The following ZFP14 variants were observed in gnomAD, a reference collection of about 807,000 sequenced individuals.
The protein encoded by ZFP14 is ZFP14 zinc finger protein.
A neutral mutation model predicts 54.5 loss-of-function variants in ZFP14; 22 were observed. That is an observed-to-expected ratio of 0.40 (90% CI 0.29 to 0.58). ZFP14 has a LOEUF of 0.58. Among genes scored for constraint, ZFP14 ranks in the 20% least tolerant of loss-of-function variants. The pLI is 0.39. For missense variants in ZFP14, 470 were observed against 637.8 expected (o/e 0.74, Z 2.83); for synonymous variants, 159 against 204.0 (o/e 0.78, Z 1.88).
rs557519982 is a variant in ZFP14, at chr19:36,344,754, C to T, written c.236-3164G>A. 2.6e-5 allele frequency among the ~76,000 whole-genome samples: 4 copies of T among 152,224 alleles called. No homozygotes were observed. The South Asian group carries it at 8.3e-4, about 32-fold the overall frequency. ...ATGCGAGGGATCTAGGTTGCACACT[C>T]CTTATGAGAATCTACTGCCTGATTA... On this transcript the variant is annotated intron_variant, in intron 4 of 4. Transcript: ENST00000270001.
intron 3 of ZFP14, among the ~76,000 whole-genome samples, chr19:36,361,214 G>A (rs993004512): frequency 1.3e-5 from 2 of 152,130 alleles, no homozygotes; most frequent in African/African-American, 4.8e-5. Context: ...AACTGCATAT[G>A]TCTGTTACAG....
intron 2 of ZFP14, among the ~76,000 whole-genome samples, chr19:36,366,236 C>A (rs908414802): frequency 2.6e-5 from 4 of 151,948 alleles, no homozygotes; most frequent in Non-Finnish European, 2.9e-5. Context: ...CCACTGCACT[C>A]CAGCCTGGGC....
rs1235369921 is a variant in ZFP14 at position 36,351,168 on chromosome 19, T to C, written c.235+9267A>G. Among the ~76,000 whole-genome samples, 3 of 143,586 alleles carry C rather than the reference T, an allele frequency of 2.1e-5. 1 individual carries two copies. The highest frequency in any genetic ancestry group is 7.7e-5 in the African/African-American group (3 of 39,186). 94.2% of individuals were successfully genotyped at this position (143,586 alleles called of 152,430 possible). A position where few individuals can be genotyped will look rare whatever the true frequency, so the allele number is the denominator to read the frequency against. ...ATTCACTACTTATTACAATAAGAAA[T>C]TAATGCCCTGTGGGGATTAAAATGT... is the stretch of plus-strand genomic sequence containing the variant. On this transcript the variant is annotated intron_variant, in intron 4 of 4. Coordinates refer to ENST00000270001, the MANE Select transcript of ZFP14 (RefSeq NM_020917.3).
At chr19:36,362,322 G>A in intron 2 of ZFP14, 84 bp from the exon 3 acceptor site, 4 of 1,428,738 alleles carry the variant, frequency 2.8e-6, no homozygotes, top group Non-Finnish European at 3.8e-6. Flanking sequence ...GGATTGCATT[G>A]CAGAGAGGGG....
At position 36,360,493 on chromosome 19, in the gene ZFP14, A is replaced by C. The variant is rs2031692806; in HGVS notation, c.177T>G (p.Asp59Glu). Residue 59 changes from aspartate to glutamate, a missense_variant, in exon 4 of 5, where the codon GAT (aspartate) becomes GAG (glutamate). Asp to Glu is a conservative substitution (Grantham distance 45). Coordinates refer to ENST00000270001, the MANE Select transcript of ZFP14 (RefSeq NM_020917.3). ...ISKPDVITLL[D>E]EERKEPGMVV... Reference sequence around the variant, plus strand: ...CCATCCCAGGTTCCTTCCTTTCTTCATCCAATAAGGTAATCACATCTGGTT... The same window carrying C: ...CCATCCCAGGTTCCTTCCTTTCTTCCTCCAATAAGGTAATCACATCTGGTT... The C allele has an allele frequency of 6.2e-7, 1 of 1,613,684 alleles. No homozygotes were observed. The highest frequency in any genetic ancestry group is 1.1e-5 in the South Asian group (1 of 90,956).
rs906297029 is a variant in ZFP14 at position 36,372,010 on chromosome 19, G to GGGAA, written c.-79-4043_-79-4040dup. On this transcript the variant is annotated intron_variant, in intron 1 of 4. Coordinates refer to ENST00000270001, the MANE Select transcript of ZFP14 (RefSeq NM_020917.3). ...ATGGAGGGAGGGAGGGAGGGAAGGA[G>GGGAA]GGAAGGAAGGAAGGAAGGAGAAAGA... 1.2e-4 allele frequency among the ~76,000 whole-genome samples: 16 copies of GGGAA among 133,756 alleles called. No homozygotes were observed. In the East Asian group the frequency reaches 1.5e-3, roughly 13 times the overall value. The allele number at this position is 133,756 out of a possible 152,430, so 87.7% of individuals were successfully genotyped here.
At chr19:36,364,994 CTTTTTTTTTTTTTTTTTT>C (rs398034482) in intron 2 of ZFP14, among the ~76,000 whole-genome samples, 1 of 61,972 alleles carries the variant, frequency 1.6e-5, no homozygotes, top group African/African-American at 5.9e-5. Context: ...TTTTCTTTTT[CTTTTTTTTTTTTTTTTTT>C]TTTTTTTTTT....
Position 36,367,983 on chromosome 19 carries a change from A to G in ZFP14, c.-79-12T>C. ...CTGATAAGCCAGAGCTGAAAGAAGA[A>G]AAAGAAACCATGAAATAAGCTGCGC... On this transcript the variant is annotated splice_polypyrimidine_tract_variant and intron_variant, in intron 1 of 4. Coordinates refer to ENST00000270001, the MANE Select transcript of ZFP14 (RefSeq NM_020917.3). 1 of 1,440,446 alleles carries G rather than the reference A, an allele frequency of 6.9e-7. No homozygotes were observed. Among genetic ancestry groups the G allele is most frequent in the Admixed American group, 2.3e-5 (1 of 43,014 alleles). The allele number at this position is 1,440,446 out of a possible 1,614,324, so 89.2% of individuals were successfully genotyped here. A position where few individuals can be genotyped will look rare whatever the true frequency, so the allele number is the denominator to read the frequency against.
chr19:36,358,182 C>A (rs765745240), intron 4 of ZFP14, among the ~76,000 whole-genome samples: 3 of 150,416 alleles, frequency 2.0e-5, no homozygotes, highest in Non-Finnish European at 4.4e-5. Flanking sequence ...GTGATCTCGG[C>A]TCACTGCAAA....
chr19:36,343,292 T>C lies in ZFP14; in HGVS notation c.236-1702A>G, dbSNP rs1385658733. 2.6e-5 allele frequency among the ~76,000 whole-genome samples: 4 copies of C among 152,344 alleles called. No homozygotes were observed. In the East Asian group the frequency reaches 7.7e-4, roughly 29 times the overall value. On this transcript the variant is annotated intron_variant, in intron 4 of 4. Coordinates refer to ENST00000270001, the MANE Select transcript of ZFP14 (RefSeq NM_020917.3). The stretch of plus-strand genomic sequence containing the variant: ...ATCTCTTTACCATTATAATAAAATA[T>C]AAATACCTGAGCATAAATAATAAAG...
intron 1 of ZFP14, among the ~76,000 whole-genome samples, chr19:36,368,853 A>ATT (rs370601085): frequency 6.6e-6 from 1 of 151,252 alleles, no homozygotes; most frequent in African/African-American, 2.4e-5. Context: ...TTATTGATTA[A>ATT]TTTTTTTTTA....
At chr19:36,357,623 C>A (rs2031637007) in intron 4 of ZFP14, among the ~76,000 whole-genome samples, 1 of 152,142 alleles carries the variant, frequency 6.6e-6, no homozygotes, top group Non-Finnish European at 1.5e-5. Flanking sequence ...AATAAATGAC[C>A]CTTTAGTGCG....
At chr19:36,351,979 C>T (rs546890140) in intron 4 of ZFP14, among the ~76,000 whole-genome samples, 11 of 142,756 alleles carry the variant, frequency 7.7e-5, no homozygotes, top group Admixed American at 2.1e-4. Flanking sequence ...GTCAGGATAT[C>T]GAGACCATCC....
intron 2 of ZFP14, among the ~76,000 whole-genome samples, chr19:36,363,999 A>C (rs527460686): frequency 1.3e-5 from 2 of 152,246 alleles, no homozygotes; most frequent in East Asian, 3.9e-4. Context: ...CAAAAAAAAA[A>C]AAAAGTCAAT....
chr19:36,349,231 C>CAAAAAAAAAA lies in ZFP14; in HGVS notation c.236-7651_236-7642dup, dbSNP rs1308523351. On this transcript the variant is annotated intron_variant, in intron 4 of 4. Coordinates refer to ENST00000270001, the MANE Select transcript of ZFP14 (RefSeq NM_020917.3). ...GGGCTATAAGAGGGGAACTCTGTCT[C>CAAAAAAAAAA]AAAAAAAAAAACAAAAAAAAAAAAA... 2.1e-3 allele frequency among the ~76,000 whole-genome samples: 9 copies of CAAAAAAAAAA among 4,258 alleles called. 1 individual carries two copies. Among genetic ancestry groups the CAAAAAAAAAA allele is most frequent in the Non-Finnish European group, 2.0e-3 (5 of 2,450 alleles). 2.8% of individuals were successfully genotyped at this position (4,258 alleles called of 152,430 possible). A position where few individuals can be genotyped will look rare whatever the true frequency, so the allele number is the denominator to read the frequency against.
chr19:36,358,641 T>C (rs8109676), intron 4 of ZFP14, among the ~76,000 whole-genome samples: 6,840 of 152,210 alleles, frequency 0.045, 215 homozygotes, highest in Non-Finnish European at 0.066. Context: ...CTTACCAGAT[T>C]GAGGAAGTTC....
rs747265207 is a variant in ZFP14 at position 36,340,939 on chromosome 19, C to T, written c.887G>A (p.Cys296Tyr). 6 of 1,613,712 alleles carry T rather than the reference C, an allele frequency of 3.7e-6. No homozygotes were observed. The highest frequency in any genetic ancestry group is 5.1e-6 in the Non-Finnish European group (6 of 1,179,886). ...CKDCGKTFRQ[C>Y]THLTRHQRLH... ...TCTCTGATGGCGTGTAAGGTGTGTA[C>T]ACTGTCTAAAGGTCTTTCCACAGTC... Residue 296 changes from cysteine (C) to tyrosine (Y), a missense_variant, in exon 5 of 5, where the codon TGT becomes TAT. By Grantham distance (194) the Cys-to-Tyr change is radical. Transcript: ENST00000270001. This position sits in a 1 kb window ranked among gnomAD's most constrained non-coding sequence, Gnocchi z 5.4.
chr19:36,359,645 ATTC>A (rs1278698077), intron 4 of ZFP14, among the ~76,000 whole-genome samples: 3 of 151,714 alleles, frequency 2.0e-5, no homozygotes, highest in Non-Finnish European at 1.5e-5. Context: ...TTCTCTTATT[ATTC>A]TTATTATTCT....
At chr19:36,355,705 A>G (rs1212641610) in intron 4 of ZFP14, among the ~76,000 whole-genome samples, 2 of 140,972 alleles carry the variant, frequency 1.4e-5, no homozygotes, top group East Asian at 4.2e-4. Flanking sequence ...AAGAAAAAAA[A>G]AGGAAGAGAG....
Sources: gnomAD v4.1 joint callset for allele counts (sites outside exome capture counted in the v4.1 genomes callset) on GRCh38, gnomAD v4.1.1 for gene constraint, Gnocchi (gnomAD v3.1) non-coding constraint, MANE v1.5 for transcripts, NCBI Gene and HGNC (gene_info 2026-07-23, HGNC 2026-07-21) for gene names.